ARRDC2: variants seen among roughly 807,000 people sequenced by gnomAD.
The protein encoded by ARRDC2 is arrestin domain containing 2, also known as arrestin domain-containing protein 2.
Under a neutral mutation model 38.9 loss-of-function variants are expected in ARRDC2, and 39 were observed. The observed-to-expected ratio is 1.00, with a 90% confidence interval of 0.78 to 1.31. The LOEUF is 1.31. ARRDC2 is among the 50% of genes most tolerant of loss of function. The pLI, the probability that ARRDC2 is intolerant of heterozygous loss-of-function variation, is 0.00. For synonymous variants in ARRDC2, 300 were observed against 261.9 expected (o/e 1.15, Z -1.41); for missense variants, 553 against 588.4 (o/e 0.94, Z 0.62).
chr19:18,008,116 A>AGGGCCCCCC, upstream of ARRDC2: 8 of 522,498 alleles, frequency 1.5e-5, no homozygotes, highest in African/African-American at 2.8e-5. Flanking sequence ...AGAGACGGTG[A>AGGGCCCCCC]CCCCACCCCC....
upstream of ARRDC2, chr19:18,008,119 C>CCCCCCCCCCCCCCCCCCCCCCCAAAAAAA: frequency 1.9e-6 from 1 of 530,448 alleles, no homozygotes; most frequent in Non-Finnish European, 2.8e-6. Flanking sequence ...GACGGTGACC[C>CCCCCCCCCCCCCCCCCCCCCCCAAAAAAA]CACCCCCCCC....
intron 1 of ARRDC2, 62 bp from the exon 2 acceptor site, chr19:18,008,649 C>A: frequency 6.2e-7 from 1 of 1,604,436 alleles, no homozygotes. Context: ...ACGGCGGTAC[C>A]TCCGTCAGCC....
chr19:18,006,472 A>G (rs1469808673), upstream of ARRDC2, among the ~76,000 whole-genome samples: 4 of 152,208 alleles, frequency 2.6e-5, no homozygotes, highest in African/African-American at 9.7e-5. Context: ...CAAAAAAACC[A>G]GTCAGGCGTG....
upstream of ARRDC2, chr19:18,008,138 C>CCCCGGG: frequency 1.5e-6 from 2 of 1,339,270 alleles, no homozygotes; most frequent in Non-Finnish European, 9.6e-7. Context: ...CCCGCCCTGC[C>CCCCGGG]GTATAAAAGC....
exon 1 of ARRDC2, chr19:18,001,409 T>C (rs1258777896): frequency 7.3e-6 from 9 of 1,224,726 alleles, no homozygotes; most frequent in Non-Finnish European, 9.2e-6. Context: ...GGCCGGGTGC[T>C]GCTGGAGGCG....
At chr19:18,010,828 T>C (rs1245010021) in intron 7 of ARRDC2, 99 bp downstream of exon 7, 3 of 1,342,198 alleles carry the variant, frequency 2.2e-6, no homozygotes, top group Non-Finnish European at 3.0e-6. Flanking sequence ...GTTTTTTTGT[T>C]TTTTTAGACA....
Position 18,009,687 on chromosome 19 carries a change from C to T in ARRDC2, c.585C>T (p.Tyr195=), listed in dbSNP as rs954112777. ...CGGCCAAGATCGACCGCAAGGGCTA[C>T]ACCCCAGGTAGCAGGCGGACCGGAC... ...SLSAKIDRKG[Y]TPGEVIPVFA... is the part of the protein sequence containing the mutation. The change falls in exon 4 of 8, where the codon TAC becomes TAT. Residue 195 remains tyrosine (Y), a synonymous_variant. Transcript: ENST00000222250. 13 of 1,611,944 alleles carry T rather than the reference C, an allele frequency of 8.1e-6. No homozygotes were observed. The Admixed American group carries it at 1.2e-4, about 15-fold the overall frequency.
rs2033453621 is a variant in ARRDC2 at position 18,013,520 on chromosome 19, G to A, written c.*554G>A. 6.5e-6 allele frequency: 1 copy of A among 152,826 alleles called. No individual in the cohort carries two copies. The highest frequency in any genetic ancestry group is 1.5e-5 in the Non-Finnish European group (1 of 68,294). 9.5% of individuals were successfully genotyped at this position (152,826 alleles called of 1,614,324 possible). On this transcript the variant is annotated 3_prime_UTR_variant, in exon 8 of 8. Transcript: ENST00000222250. ...TGTAGAACTGGGGGTTCAGAGGGCA[G>A]GTGCCTCAGAGTTGAGGCCACACAG...
rs1168108753 is a variant in ARRDC2, at chr19:18,008,309, C to T, written c.-2C>T. 6.3e-7 allele frequency: 1 copy of T among 1,593,814 alleles called. No homozygotes were observed. ...CTGTCGTGGGTTCGCACCCCGGACG[C>T]GATGCTATTCGACAAGGTGAAAGCG... On this transcript the variant is annotated 5_prime_UTR_variant, in exon 1 of 8. Transcript: ENST00000222250.
upstream of ARRDC2, among the ~76,000 whole-genome samples, chr19:18,004,808 T>C (rs1363639358): frequency 3.3e-5 from 5 of 151,612 alleles, no homozygotes; most frequent in Non-Finnish European, 7.4e-5. Context: ...AAGACCAGCC[T>C]GGGCAACATG....
intron 6 of ARRDC2, 87 bp downstream of exon 6, chr19:18,010,445 C>T (rs1048063935): frequency 2.3e-5 from 36 of 1,559,432 alleles, no homozygotes; most frequent in Admixed American, 7.1e-5. Context: ...ACGAGTCCCC[C>T]GGAATCCCAA....
rs761901888 is a variant in ARRDC2 at position 18,013,431 on chromosome 19, C to G, written c.*465C>G. On this transcript the variant is annotated 3_prime_UTR_variant, in exon 8 of 8. Coordinates refer to ENST00000222250, the MANE Select transcript of ARRDC2 (RefSeq NM_015683.2). ...TACGAATAGGAGCTCAGCAGGCAGACGAATGAGGAATAAAGGTCAGAGAAG... is the reference window on the plus strand; with the variant it reads ...TACGAATAGGAGCTCAGCAGGCAGAGGAATGAGGAATAAAGGTCAGAGAAG... The G allele has an allele frequency of 1.9e-5, 3 of 156,386 alleles. No individual in the cohort carries two copies. Among genetic ancestry groups the G allele is most frequent in the Admixed American group, 6.5e-5 (1 of 15,442 alleles). The allele number at this position is 156,386 out of a possible 1,614,324, so 9.7% of individuals were successfully genotyped here. A position where few individuals can be genotyped will look rare whatever the true frequency, so the allele number is the denominator to read the frequency against.
At chr19:18,006,196 A>G (rs1403687475), upstream of ARRDC2, among the ~76,000 whole-genome samples, 1 of 150,170 alleles carries the variant, frequency 6.7e-6, no homozygotes, top group Non-Finnish European at 1.5e-5. Context: ...GCGGTCAGGC[A>G]GAGACGCTCC....
rs1386759104 is a variant in ARRDC2 at position 18,013,241 on chromosome 19, T to C, written c.*275T>C. On this transcript the variant is annotated 3_prime_UTR_variant, in exon 8 of 8. Transcript: ENST00000222250. ...ATAACCTGTCTTCCCAGCCAATTGG[T>C]GGTGCTGGAATCCCCTAGGAGCCTT... 3 of 435,668 alleles carry C rather than the reference T, an allele frequency of 6.9e-6. No homozygotes were observed. The highest frequency in any genetic ancestry group is 1.2e-5 in the Non-Finnish European group (3 of 242,870). The allele number at this position is 435,668 out of a possible 1,614,324, so 27.0% of individuals were successfully genotyped here.
upstream of ARRDC2, among the ~76,000 whole-genome samples, chr19:18,006,888 T>C (rs781132889): frequency 2.6e-5 from 4 of 152,150 alleles, no homozygotes; most frequent in Non-Finnish European, 5.9e-5. Flanking sequence ...CTAGTATCCA[T>C]TGAAACCTGG....
In ARRDC2 at chr19:18,009,308, T is replaced by C. The variant is rs114594103; in HGVS notation, c.489+190T>C. The C allele has an allele frequency of 1.0e-3, 739 of 720,126 alleles. 4 individuals are homozygous for C. The African/African-American group carries it at 0.011, about 11-fold the overall frequency. The allele number at this position is 720,126 out of a possible 1,614,324, so 44.6% of individuals were successfully genotyped here. A position where few individuals can be genotyped will look rare whatever the true frequency, so the allele number is the denominator to read the frequency against. ...TGCCGTGTGACTCTGGGCAAGTGTCTTGAAGCCCTCTCTGAGCCTCAGATG... is the reference window on the plus strand; with the variant it reads ...TGCCGTGTGACTCTGGGCAAGTGTCCTGAAGCCCTCTCTGAGCCTCAGATG... On this transcript the variant is annotated intron_variant, in intron 3 of 7. Transcript: ENST00000222250.
chr19:18,003,963 G>A (rs930108577), upstream of ARRDC2, among the ~76,000 whole-genome samples: 4 of 150,342 alleles, frequency 2.7e-5, no homozygotes, highest in South Asian at 4.2e-4. Flanking sequence ...TAGTAGAGAC[G>A]GGTTTCACCA....
At chr19:18,002,945 A>T (rs994065007) in intron 1 of ARRDC2, among the ~76,000 whole-genome samples, 2 of 152,112 alleles carry the variant, frequency 1.3e-5, no homozygotes, top group African/African-American at 4.8e-5. Context: ...TCCACTAAAA[A>T]TACAAAAATT....
chr19:18,008,115 G>GGGGGGC, upstream of ARRDC2: 10 of 810,030 alleles, frequency 1.2e-5, no homozygotes, highest in Non-Finnish European at 1.7e-5. Context: ...AAGAGACGGT[G>GGGGGGC]ACCCCACCCC....
Sources: allele counts gnomAD v4.1 joint callset (sites outside exome capture counted in the v4.1 genomes callset), GRCh38; gene constraint gnomAD v4.1.1; transcripts MANE v1.5; gene names NCBI Gene and HGNC (gene_info 2026-07-23, HGNC 2026-07-21).